Variants in MSL1 observed in about 807,000 individuals in gnomAD.
MSL1 encodes the protein male-specific lethal 1 homolog.
In MSL1, 21 loss-of-function variants were observed where a neutral mutation model predicts 64.6. That is an observed-to-expected ratio of 0.33 (90% CI 0.23 to 0.47). The LOEUF is 0.47. MSL1 is among the 20% of genes least tolerant of loss of function. The pLI is 1.00. For synonymous variants in MSL1, 339 were observed against 329.6 expected, an observed-to-expected ratio of 1.03 and a Z score of -0.31; for missense variants, 664 against 793.2, an observed-to-expected ratio of 0.84 and a Z score of 1.96.
chr17:40,123,047 G>A lies in MSL1; in HGVS notation c.435G>A (p.Ala145=). The change falls in exon 1 of 9, where the codon GCG becomes GCA. Residue 145 remains alanine (A), a synonymous_variant. Coordinates refer to ENST00000398532, the MANE Select transcript of MSL1 (RefSeq NM_001365919.1). ...LPIQTGSLVA[A]AKEPTPWAGD... ...TTCAGACGGGCTCTCTCGTGGCGGC[G>A]GCCAAAGAGCCTACGCCCTGGGCTG... 6.5e-7 allele frequency: 1 copy of A among 1,531,844 alleles called. No individual in the cohort carries two copies. Among genetic ancestry groups the A allele is most frequent in the Non-Finnish European group, 8.7e-7 (1 of 1,145,384 alleles). 94.9% of individuals were successfully genotyped at this position (1,531,844 alleles called of 1,614,324 possible). A position where few individuals can be genotyped will look rare whatever the true frequency, so the allele number is the denominator to read the frequency against.
chr17:40,122,624 A>G lies in MSL1; in HGVS notation c.12A>G (p.Arg4=). ...TGCTCCGGACCACTATGACCATGAG[A>G]TCCGCGGTGTTCAAGGCGGCCGCGG... MTM[R]SAVFKAAAAP... Residue 4 remains arginine (R), a synonymous_variant, in exon 1 of 9, where the codon AGA becomes AGG. Coordinates refer to ENST00000398532, the MANE Select transcript of MSL1 (RefSeq NM_001365919.1). This position sits in a 1 kb window ranked among gnomAD's most constrained non-coding sequence, Gnocchi z 4.2. The G allele has an allele frequency of 6.8e-7, 1 of 1,477,344 alleles. No individual in the cohort carries two copies. Among genetic ancestry groups the G allele is most frequent in the African/African-American group, 1.5e-5 (1 of 67,492 alleles). The allele number at this position is 1,477,344 out of a possible 1,614,324, so 91.5% of individuals were successfully genotyped here.
chr17:40,131,121 C>T lies in MSL1; in HGVS notation c.1376-416C>T, dbSNP rs562742959. ...AAAGTCTTTGTGCATGTTGTTCAGG[C>T]TGGACCAGCAAGGTAGTTTGTTTGG... On this transcript the variant is annotated intron_variant, in intron 3 of 8. Transcript: ENST00000398532. This position sits in a 1 kb window ranked among gnomAD's most constrained non-coding sequence, Gnocchi z 4.5. 32 of 168,142 alleles carry T rather than the reference C, an allele frequency of 1.9e-4. 1 individual carries two copies. In the South Asian group the frequency reaches 3.9e-3, roughly 20 times the overall value. The allele number at this position is 168,142 out of a possible 1,614,324, so 10.4% of individuals were successfully genotyped here. A position where few individuals can be genotyped will look rare whatever the true frequency, so the allele number is the denominator to read the frequency against.
chr17:40,132,808 A>T (rs10512482), intron 5 of MSL1, among the ~76,000 whole-genome samples: 12,121 of 152,186 alleles, frequency 0.08, 1,134 homozygotes, highest in African/African-American at 0.22. Flanking sequence ...CCTTGGAAAG[A>T]TATGGAAATG....
Position 40,122,526 on chromosome 17 carries a change from TCCCCC to T in MSL1, c.-83_-79del. 5.3e-6 allele frequency: 3 copies of T among 569,150 alleles called. No individual in the cohort carries two copies. The highest frequency in any genetic ancestry group is 7.8e-6 in the Non-Finnish European group (3 of 383,452). 35.3% of individuals were successfully genotyped at this position (569,150 alleles called of 1,614,324 possible). ...CTGAGGCGAGCCCGCCAAACTCCCC[TCCCCC>T]CCCTCAGTCCTCGACCCCCCGCACC... On this transcript the variant is annotated 5_prime_UTR_variant, in exon 1 of 9. Transcript: ENST00000398532. This position sits in a 1 kb window ranked among gnomAD's most constrained non-coding sequence, Gnocchi z 4.2.
chr17:40,124,174 T>C (rs1015380892), intron 1 of MSL1, among the ~76,000 whole-genome samples: 1 of 152,124 alleles, frequency 6.6e-6, no homozygotes, highest in African/African-American at 2.4e-5. Flanking sequence ...ACTGCAGCAG[T>C]AGTTAAGGGC....
chr17:40,136,860 T>C lies in MSL1; in HGVS notation c.*2491T>C, dbSNP rs1221989387. The C allele has an allele frequency of 2.0e-5, 3 of 152,340 alleles. No individual in the cohort carries two copies. The highest frequency in any genetic ancestry group is 1.9e-4 in the East Asian group (1 of 5,344). The allele number at this position is 152,340 out of a possible 1,614,324, so 9.4% of individuals were successfully genotyped here. A position where few individuals can be genotyped will look rare whatever the true frequency, so the allele number is the denominator to read the frequency against. ...CAATTCTGCTTGTATATTTGAAACA[T>C]TGGAAAAAGAAATCCATTTTCTCAA... On this transcript the variant is annotated 3_prime_UTR_variant, in exon 9 of 9. Transcript: ENST00000398532.
rs755174122 is a variant in MSL1 at position 40,126,384 on chromosome 17, C to T, written c.970C>T (p.Arg324Trp). The T allele has an allele frequency of 1.1e-5, 18 of 1,613,764 alleles. No homozygotes were observed. The highest frequency in any genetic ancestry group is 6.7e-5 in the Admixed American group (4 of 59,986). ...TLPPKPFSCG[R>W]SGKGHKRKSP... ...GCCTCCCAAGCCCTTCTCATGTGGG[C>T]GGAGTGGAAAGGGACATAAAAGGTG... The change falls in exon 2 of 9, where the codon CGG becomes TGG. Residue 324 changes from arginine to tryptophan, a missense_variant. By Grantham distance (101) the Arg-to-Trp change is moderately radical (BLOSUM62 -3). Transcript: ENST00000398532.
chr17:40,124,330 T>G (rs1326499846), intron 1 of MSL1, among the ~76,000 whole-genome samples: 1 of 151,920 alleles, frequency 6.6e-6, no homozygotes, highest in Non-Finnish European at 1.5e-5. Flanking sequence ...TCTCTCCCTC[T>G]CTCCCTCCCT....
intron 1 of MSL1, among the ~76,000 whole-genome samples, chr17:40,124,365 C>T (rs889304393): frequency 1.3e-5 from 2 of 151,712 alleles, no homozygotes; most frequent in Non-Finnish European, 2.9e-5. Flanking sequence ...GTCTCTTTCC[C>T]TTTCTCTCTC....
At chr17:40,129,104 G>A in intron 2 of MSL1, 141 bp from the exon 3 acceptor site, 2 of 669,086 alleles carry the variant, frequency 3.0e-6, no homozygotes, top group Non-Finnish European at 2.5e-6. Context: ...ACTGCTAAAT[G>A]AGCACCAGAC....
In MSL1 at chr17:40,122,551, C is replaced by A. The variant is rs937601808; in HGVS notation, c.-62C>A. 3.1e-6 allele frequency: 4 copies of A among 1,274,770 alleles called. No individual in the cohort carries two copies. Among genetic ancestry groups the A allele is most frequent in the Admixed American group, 3.7e-5 (1 of 26,844 alleles). 79.0% of individuals were successfully genotyped at this position (1,274,770 alleles called of 1,614,324 possible). Reference sequence around the variant, plus strand: ...TCCCCCCCCTCAGTCCTCGACCCCCCGCACCTCGCCCCTTCCCCACCCCCT... The same window carrying A: ...TCCCCCCCCTCAGTCCTCGACCCCCAGCACCTCGCCCCTTCCCCACCCCCT... On this transcript the variant is annotated 5_prime_UTR_variant, in exon 1 of 9. Transcript: ENST00000398532. The surrounding 1 kb of genome is among the most constrained non-coding windows in gnomAD (Gnocchi z 4.2).
intron 1 of MSL1, chr17:40,124,940 C>G (rs765229475): frequency 6.6e-6 from 1 of 152,150 alleles, no homozygotes; most frequent in Non-Finnish European, 1.5e-5. Context: ...GAACTTGGTA[C>G]TCACTGCTTC....
rs1414379186 is a variant in MSL1 at position 40,134,324 on chromosome 17, G to A, written c.1800G>A (p.Leu600=). The stretch of plus-strand genomic sequence containing the variant: ...TGGATGAGCGTAGCCGATGCAGATT[G>A]GAGATCCAGAAGAAGCAAACACCTC... The part of the protein sequence containing the change: ...PWLDERSRCR[L]EIQKKQTPHR... The change falls in exon 9 of 9, where the codon TTG becomes TTA. Residue 600 remains leucine (L), a synonymous_variant. Transcript: ENST00000398532. The A allele has an allele frequency of 1.3e-6, 2 of 1,557,814 alleles. No individual in the cohort carries two copies. Among genetic ancestry groups the A allele is most frequent in the East Asian group, 2.4e-5 (1 of 41,642 alleles).
At chr17:40,133,471 G>C (rs1302755883) in intron 6 of MSL1, 63 bp from the exon 7 acceptor site, 3 of 1,551,900 alleles carry the variant, frequency 1.9e-6, no homozygotes, top group Non-Finnish European at 2.6e-6. Flanking sequence ...TGCTTTTATA[G>C]AGCAGGTTTT....
chr17:40,128,826 T>C (rs1157747525), intron 2 of MSL1, among the ~76,000 whole-genome samples: 1 of 151,738 alleles, frequency 6.6e-6, no homozygotes, highest in Non-Finnish European at 1.5e-5. Flanking sequence ...GTCTGACCAA[T>C]ATGGTGAAAC....
Position 40,133,606 on chromosome 17 carries a change from A to C in MSL1, c.1629A>C (p.Gly543=). 6.2e-7 allele frequency: 1 copy of C among 1,613,460 alleles called. No individual in the cohort carries two copies. Among genetic ancestry groups the C allele is most frequent in the Non-Finnish European group, 8.5e-7 (1 of 1,179,628 alleles). The part of the protein sequence containing the change: ...RLQLRMYKKK[G]IQESEPEVTS... ...AGCTCAGAATGTATAAAAAGAAAGG[A>C]ATTCAGGAATCTGAGCCTGAGGTTA... is the stretch of plus-strand genomic sequence containing the variant. Residue 543 remains glycine, a synonymous_variant, in exon 7 of 9, where the codon GGA becomes GGC. Coordinates refer to ENST00000398532, the MANE Select transcript of MSL1 (RefSeq NM_001365919.1).
rs1253712649 is a variant in MSL1, at chr17:40,134,307, C to T, written c.1783C>T (p.Arg595Cys). The change falls in exon 9 of 9, where the codon CGT (arginine) becomes TGT (cysteine). Residue 595 changes from arginine to cysteine, a missense_variant. Coordinates refer to ENST00000398532, the MANE Select transcript of MSL1 (RefSeq NM_001365919.1). ...QNFELPWLDERSRCRLEIQKK... is the reference protein window; with the variant it reads ...QNFELPWLDECSRCRLEIQKK... ...TTTTGAGCTACCCTGGTTGGATGAG[C>T]GTAGCCGATGCAGATTGGAGATCCA... The T allele has an allele frequency of 9.0e-6, 14 of 1,557,096 alleles. No individual in the cohort carries two copies. Among genetic ancestry groups the T allele is most frequent in the African/African-American group, 2.7e-5 (2 of 73,328 alleles).
Position 40,136,108 on chromosome 17 carries a change from G to A in MSL1, c.*1739G>A, listed in dbSNP as rs1010995977. On this transcript the variant is annotated 3_prime_UTR_variant, in exon 9 of 9. Transcript: ENST00000398532. ...ACTCTTACCTATGTGATATTTCTTC[G>A]TAACGTGTCCAAAAAGAAAAAAGAC... The A allele has an allele frequency of 1.3e-5, 2 of 152,214 alleles. No homozygotes were observed. The highest frequency in any genetic ancestry group is 2.4e-5 in the African/African-American group (1 of 41,392). 9.4% of individuals were successfully genotyped at this position (152,214 alleles called of 1,614,324 possible).
rs2058773368 is a variant in MSL1, at chr17:40,134,839, T to G, written c.*470T>G. 1 of 155,116 alleles carries G rather than the reference T, an allele frequency of 6.4e-6. No homozygotes were observed. Among genetic ancestry groups the G allele is most frequent in the African/African-American group, 2.4e-5 (1 of 41,472 alleles). 9.6% of individuals were successfully genotyped at this position (155,116 alleles called of 1,614,324 possible). On this transcript the variant is annotated 3_prime_UTR_variant, in exon 9 of 9. Coordinates refer to ENST00000398532, the MANE Select transcript of MSL1 (RefSeq NM_001365919.1). Reference sequence around the variant, plus strand: ...AAACAAACAACCTCACCATGAGCTTTAGGACCAGAAGAGGAATGACAAGTG... The same window carrying G: ...AAACAAACAACCTCACCATGAGCTTGAGGACCAGAAGAGGAATGACAAGTG...
Sources: gnomAD v4.1 joint callset for allele counts (sites outside exome capture counted in the v4.1 genomes callset) on GRCh38, gnomAD v4.1.1 for gene constraint, Gnocchi (gnomAD v3.1) non-coding constraint, MANE v1.5 for transcripts, NCBI Gene and HGNC (gene_info 2026-07-23, HGNC 2026-07-21) for gene names.